PPP4R4: variants seen among roughly 807,000 people sequenced by gnomAD.
PPP4R4 encodes the protein serine/threonine-protein phosphatase 4 regulatory subunit 4.
A neutral mutation model predicts 121.8 loss-of-function variants in PPP4R4; 70 were observed. The observed-to-expected ratio is 0.57, with a 90% CI of 0.47 to 0.70. PPP4R4 has a LOEUF of 0.70. Ranked by LOEUF, PPP4R4 falls within the 30% of genes least tolerant of loss-of-function variation. PPP4R4 has a pLI of 0.00. For missense variants in PPP4R4, 875 were observed against 1,033.6 expected (o/e 0.85, Z 2.10); for synonymous variants, 348 against 355.7 (o/e 0.98, Z 0.24).
chr14:94,197,623 CAT>C (rs1326767661), intron 2 of PPP4R4, among the ~76,000 whole-genome samples: 2 of 152,148 alleles, frequency 1.3e-5, no homozygotes, highest in Admixed American at 6.5e-5. Flanking sequence ...TGACTTTTCA[CAT>C]ATGTGTATTC....
chr14:94,179,038 C>G (rs1433665945), intron 2 of PPP4R4, among the ~76,000 whole-genome samples: 1 of 152,202 alleles, frequency 6.6e-6, no homozygotes, highest in Non-Finnish European at 1.5e-5. Context: ...TGATGTCCCA[C>G]CAGTCCCTCA....
chr14:94,233,621 T>C (rs750299107), intron 5 of PPP4R4, 32 bp from the exon 6 acceptor site: 1 of 1,412,982 alleles, frequency 7.1e-7, no homozygotes, highest in South Asian at 1.2e-5. Flanking sequence ...TATAAAATTT[T>C]GTGAATTTTT....
chr14:94,208,406 CTG>C (rs1306861628), intron 2 of PPP4R4, 56 bp from the exon 3 acceptor site: 35 of 1,276,508 alleles, frequency 2.7e-5, no homozygotes, highest in Non-Finnish European at 3.8e-5. Flanking sequence ...CTTTTTATAA[CTG>C]TGCAGAGGAA....
chr14:94,275,234 A>T, intron 23 of PPP4R4, 140 bp from the exon 24 acceptor site: 2 of 904,764 alleles, frequency 2.2e-6, no homozygotes, highest in Non-Finnish European at 1.7e-6. Flanking sequence ...AACTTTTTGC[A>T]GTTTGTTGTA....
chr14:94,249,107 A>G (rs1893048031), intron 14 of PPP4R4, among the ~76,000 whole-genome samples: 1 of 152,028 alleles, frequency 6.6e-6, no homozygotes, highest in Non-Finnish European at 1.5e-5. Context: ...CAAAATATAC[A>G]TGTTTTCATA....
chr14:94,242,829 G>A (rs1387241518), intron 11 of PPP4R4, among the ~76,000 whole-genome samples: 1 of 152,156 alleles, frequency 6.6e-6, no homozygotes, highest in Non-Finnish European at 1.5e-5. Context: ...TGTTTCGTGA[G>A]CATGGCTTTT....
intron 23 of PPP4R4, 58 bp downstream of exon 23, chr14:94,267,087 C>T: frequency 8.7e-7 from 1 of 1,155,026 alleles, no homozygotes. Context: ...TATTATTTTC[C>T]TTAAATGACC....
intron 3 of PPP4R4, among the ~76,000 whole-genome samples, chr14:94,209,114 TTTA>T (rs1890610145): frequency 6.6e-6 from 1 of 151,868 alleles, no homozygotes; most frequent in Non-Finnish European, 1.5e-5. Context: ...CTGACTAATA[TTTA>T]TTGATTATTA....
chr14:94,199,309 T>C (rs148511467), intron 2 of PPP4R4, among the ~76,000 whole-genome samples: 35 of 152,350 alleles, frequency 2.3e-4, no homozygotes, highest in African/African-American at 8.2e-4. Flanking sequence ...AGTGGCGTGC[T>C]TCTTTGGTGC....
chr14:94,276,767 C>T (rs891764849), intron 24 of PPP4R4, among the ~76,000 whole-genome samples: 5 of 151,874 alleles, frequency 3.3e-5, no homozygotes, highest in African/African-American at 1.2e-4. Context: ...TGTAATTGGT[C>T]GTTGGGTATA....
chr14:94,246,348 C>T lies in PPP4R4; in HGVS notation c.1429-9C>T. On this transcript the variant is annotated splice_polypyrimidine_tract_variant and intron_variant, in intron 13 of 24. Transcript: ENST00000304338. ...TTATAATTGATTTTTTGATGCGTTT[C>T]ATTTTCAGTTATCTTCTCTGCCTGA... The T allele has an allele frequency of 6.3e-7, 1 of 1,589,056 alleles. No individual in the cohort carries two copies. The highest frequency in any genetic ancestry group is 8.5e-7 in the Non-Finnish European group (1 of 1,171,988).
rs1237767867 is a variant in PPP4R4, at chr14:94,192,650, C to T, written c.192-15814C>T. Reference sequence around the variant, plus strand: ...GAGTAGGATCACTGGCTCTCTATAACTACAAACATTTGATATCCTGCACAT... The same window carrying T: ...GAGTAGGATCACTGGCTCTCTATAATTACAAACATTTGATATCCTGCACAT... On this transcript the variant is annotated intron_variant, in intron 2 of 24. Transcript: ENST00000304338. 3.3e-5 allele frequency among the ~76,000 whole-genome samples: 5 copies of T among 152,268 alleles called. No homozygotes were observed. The East Asian group carries it at 9.6e-4, about 29-fold the overall frequency.
At chr14:94,179,907 TAA>T (rs1431386020) in intron 2 of PPP4R4, among the ~76,000 whole-genome samples, 3 of 152,110 alleles carry the variant, frequency 2.0e-5, no homozygotes, top group Non-Finnish European at 4.4e-5. Context: ...CTTAATGGAA[TAA>T]AGAGTATTTA....
At chr14:94,175,981 G>C in intron 1 of PPP4R4, 73 bp from the exon 2 acceptor site, 1 of 1,124,644 alleles carries the variant, frequency 8.9e-7, no homozygotes, top group East Asian at 2.3e-5. Context: ...CCTCATAGAG[G>C]GTCACTGGGA....
chr14:94,237,459 G>T, intron 7 of PPP4R4, 106 bp from the exon 8 acceptor site: 1 of 1,054,500 alleles, frequency 9.5e-7, no homozygotes. Flanking sequence ...GTATCTTTAT[G>T]ATTTTTCATA....
At position 94,265,458 on chromosome 14, in the gene PPP4R4, G is replaced by C; in HGVS notation, c.2269G>C (p.Val757Leu). 1 of 1,610,418 alleles carries C rather than the reference G, an allele frequency of 6.2e-7. No individual in the cohort carries two copies. The highest frequency in any genetic ancestry group is 8.5e-7 in the Non-Finnish European group (1 of 1,176,732). The stretch of plus-strand genomic sequence containing the variant: ...CATTTCTGTTCCTGGACCCTCTTCT[G>C]TCACCCCATCGACAAGTAAGAAATA... Reference protein sequence around the residue: ...IPISVPGPSSVTPSTSKEIKK... With the variant: ...IPISVPGPSSLTPSTSKEIKK... The change falls in exon 21 of 25, where the codon GTC becomes CTC. Residue 757 changes from valine to leucine, a missense_variant. Coordinates refer to ENST00000304338, the MANE Select transcript of PPP4R4 (RefSeq NM_058237.2).
chr14:94,208,038 G>A (rs765089103), intron 2 of PPP4R4, among the ~76,000 whole-genome samples: 5 of 151,794 alleles, frequency 3.3e-5, no homozygotes, highest in Non-Finnish European at 7.4e-5. Context: ...TGCTGTAGTT[G>A]ATTTTATTGC....
intron 1 of PPP4R4, among the ~76,000 whole-genome samples, chr14:94,175,140 C>A (rs1294529465): frequency 1.3e-5 from 2 of 151,674 alleles, no homozygotes; most frequent in African/African-American, 4.8e-5. Context: ...CCCGGAGACA[C>A]CACCCCGCGT....
At chr14:94,178,983 G>T (rs1055633836) in intron 2 of PPP4R4, among the ~76,000 whole-genome samples, 6 of 152,134 alleles carry the variant, frequency 3.9e-5, no homozygotes, top group Non-Finnish European at 7.3e-5. Flanking sequence ...CTGAAGGCTG[G>T]CATTCAGAAT....
Sources: allele counts gnomAD v4.1 joint callset (sites outside exome capture counted in the v4.1 genomes callset), GRCh38; gene constraint gnomAD v4.1.1; transcripts MANE v1.5; gene names NCBI Gene and HGNC (gene_info 2026-07-23, HGNC 2026-07-21).